Variants in SHLD2 observed in about 807,000 individuals in gnomAD.
The protein encoded by SHLD2 is RINN1-REV7-interacting novel NHEJ regulator 2.
SHLD2 carries 30 observed loss-of-function variants against 73.2 expected under a neutral mutation model. That is an observed-to-expected ratio of 0.41 (90% CI 0.31 to 0.56). The LOEUF (loss-of-function observed/expected upper bound fraction) is 0.56, where lower values mean the gene tolerates loss of function less well. Ranked by LOEUF, SHLD2 falls within the 20% of genes least tolerant of loss-of-function variation. The probability of loss-of-function intolerance (pLI) is 0.28; values close to 1 mark genes in which losing one functional copy is unlikely to be tolerated. For missense variants in SHLD2, 745 were observed against 1,055.9 expected, an observed-to-expected ratio of 0.71 and a Z score of 4.08; for synonymous variants, 285 against 370.1, an observed-to-expected ratio of 0.77 and a Z score of 2.64.
intron 2 of SHLD2, among the ~76,000 whole-genome samples, chr10:87,107,971 C>G (rs1842704756): frequency 6.6e-6 from 1 of 152,050 alleles, no homozygotes; most frequent in Non-Finnish European, 1.5e-5. Flanking sequence ...GCAACCTCTG[C>G]TTCCTGGTTT....
At chr10:87,117,560 G>A (rs1296235634) in intron 2 of SHLD2, among the ~76,000 whole-genome samples, 10 of 152,226 alleles carry the variant, frequency 6.6e-5, no homozygotes, top group Admixed American at 2.0e-4. Flanking sequence ...TTGGGAGGCC[G>A]AGGTGGGCAG....
intron 2 of SHLD2, among the ~76,000 whole-genome samples, chr10:87,104,314 G>A (rs542240670): frequency 6.6e-6 from 1 of 150,700 alleles, no homozygotes; most frequent in South Asian, 2.1e-4. Context: ...TTGGGAGGCC[G>A]AGGCGGGTGG....
At chr10:87,098,524 A>G (rs1220110066) in intron 2 of SHLD2, among the ~76,000 whole-genome samples, 1 of 151,962 alleles carries the variant, frequency 6.6e-6, no homozygotes, top group African/African-American at 2.4e-5. Flanking sequence ...AAAAAAAAAA[A>G]AAAAAACAGG....
At chr10:87,107,508 G>A (rs896533791) in intron 2 of SHLD2, among the ~76,000 whole-genome samples, 17 of 152,196 alleles carry the variant, frequency 1.1e-4, no homozygotes, top group Admixed American at 5.2e-4. Flanking sequence ...AGAAGGCCTT[G>A]AAAAGAAGAA....
chr10:87,094,866 C>T, upstream of SHLD2: 1 of 955,252 alleles, frequency 1.0e-6, no homozygotes, highest in Non-Finnish European at 1.5e-6. The surrounding 1 kb of genome is among the most constrained non-coding windows in gnomAD (Gnocchi z 6.6). Context: ...GCGGGTTGCC[C>T]TTTTAAGCCG....
At position 87,152,170 on chromosome 10, in the gene SHLD2, G is replaced by A. The variant is rs1207188704; in HGVS notation, c.816G>A (p.Met272Ile). The change falls in exon 3 of 10, where the codon ATG becomes ATA. Residue 272 changes from methionine (M) to isoleucine (I), a missense_variant. Around this residue, in one of 5 missense-constraint regions of SHLD2, gnomAD observed 280 missense variants for 353.9 expected, o/e 0.79. Coordinates refer to ENST00000298786, the MANE Select transcript of SHLD2 (RefSeq NM_001330112.2). ...RSPVNKGNVNMETEPKASYGE... is the reference protein window; with the variant it reads ...RSPVNKGNVNIETEPKASYGE... ...CTGTAAATAAAGGGAATGTAAACAT[G>A]GAGACTGAACCAAAGGCAAGTTACG... 1 of 1,607,626 alleles carries A rather than the reference G, an allele frequency of 6.2e-7. No individual in the cohort carries two copies. Among genetic ancestry groups the A allele is most frequent in the Non-Finnish European group, 8.5e-7 (1 of 1,177,360 alleles).
intron 6 of SHLD2, among the ~76,000 whole-genome samples, chr10:87,173,274 C>T (rs1485143467): frequency 6.6e-6 from 1 of 151,930 alleles, no homozygotes; most frequent in African/African-American, 2.4e-5. Flanking sequence ...GTGATTCACC[C>T]GCCTCAGCCT....
intron 4 of SHLD2, among the ~76,000 whole-genome samples, chr10:87,159,204 C>T (rs1183335576): frequency 6.6e-6 from 1 of 151,976 alleles, no homozygotes; most frequent in Non-Finnish European, 1.5e-5. Flanking sequence ...TAAAGAAAGG[C>T]AGAGCAAGTA....
At chr10:87,168,506 G>A (rs1296926425) in intron 4 of SHLD2, among the ~76,000 whole-genome samples, 1 of 150,964 alleles carries the variant, frequency 6.6e-6, no homozygotes, top group Non-Finnish European at 1.5e-5. Context: ...GGCTGAAGTG[G>A]GAGGATCACC....
At chr10:87,188,067 C>T (rs1394891349) in intron 9 of SHLD2, among the ~76,000 whole-genome samples, 1 of 152,204 alleles carries the variant, frequency 6.6e-6, no homozygotes, top group Non-Finnish European at 1.5e-5. Context: ...CTTGCACCTC[C>T]CCAAGTTGCA....
At chr10:87,162,118 A>G (rs1846862524) in intron 4 of SHLD2, among the ~76,000 whole-genome samples, 1 of 152,104 alleles carries the variant, frequency 6.6e-6, no homozygotes, top group African/African-American at 2.4e-5. Context: ...TAAACACCAT[A>G]TGGATTAATA....
chr10:87,148,512 G>T (rs1022507244), intron 2 of SHLD2, among the ~76,000 whole-genome samples: 6 of 148,076 alleles, frequency 4.1e-5, no homozygotes, highest in African/African-American at 1.5e-4. Context: ...AGAAGTGGTT[G>T]AAGATTAAAG....
chr10:87,142,126 T>TA (rs2086250350), intron 2 of SHLD2, among the ~76,000 whole-genome samples: 1 of 152,186 alleles, frequency 6.6e-6, no homozygotes, highest in African/African-American at 2.4e-5. Flanking sequence ...CTCTTGTACT[T>TA]ACCAGCTGAA....
intron 2 of SHLD2, among the ~76,000 whole-genome samples, chr10:87,098,191 C>T (rs1053240456): frequency 9.2e-5 from 14 of 152,108 alleles, no homozygotes; most frequent in Middle Eastern, 6.3e-3. Context: ...TCTTTTCACA[C>T]TGTAGGTATT....
At chr10:87,114,174 C>A (rs1843102094) in intron 2 of SHLD2, 1 of 152,098 alleles carries the variant, frequency 6.6e-6, no homozygotes, top group African/African-American at 2.4e-5. Flanking sequence ...GAATGAGTTG[C>A]CAGAGAACTG....
chr10:87,134,557 G>A (rs996354742), intron 2 of SHLD2, among the ~76,000 whole-genome samples: 41 of 152,102 alleles, frequency 2.7e-4, no homozygotes, highest in Non-Finnish European at 5.4e-4. Flanking sequence ...TTCACTGAAT[G>A]TTCAGGAGTA....
chr10:87,174,959 C>T (rs1847850182), intron 6 of SHLD2, among the ~76,000 whole-genome samples: 1 of 151,462 alleles, frequency 6.6e-6, no homozygotes, highest in Non-Finnish European at 1.5e-5. Flanking sequence ...ACTAAAAATG[C>T]AAAAAAATTT....
chr10:87,139,691 G>A (rs1845043894), intron 2 of SHLD2, among the ~76,000 whole-genome samples: 2 of 152,188 alleles, frequency 1.3e-5, no homozygotes, highest in South Asian at 2.1e-4. Flanking sequence ...AGCTGGGTGT[G>A]GTGGGATGTG....
chr10:87,186,874 A>G (rs950450909), intron 8 of SHLD2, among the ~76,000 whole-genome samples: 2 of 151,958 alleles, frequency 1.3e-5, no homozygotes, highest in Non-Finnish European at 2.9e-5. Context: ...TATAGAATAA[A>G]TAAAATGTAG....
Sources: allele counts gnomAD v4.1 joint callset (sites outside exome capture counted in the v4.1 genomes callset), GRCh38; gene constraint gnomAD v4.1.1; regional missense constraint gnomAD v4.1.1; non-coding constraint Gnocchi (gnomAD v3.1); transcripts MANE v1.5; gene names NCBI Gene and HGNC (gene_info 2026-07-23, HGNC 2026-07-21).